Variants in KDM6B observed in about 807,000 individuals in gnomAD.
KDM6B encodes lysine-specific demethylase 6B.
Under a neutral mutation model 150.4 loss-of-function variants are expected in KDM6B, and 22 were observed. The ratio of observed to expected loss-of-function variants is 0.15; its 90% CI spans 0.10 to 0.21. The LOEUF is 0.21. KDM6B is among the 10% of genes least tolerant of loss of function. The pLI is 1.00. For synonymous variants in KDM6B, 1,148 were observed against 921.1 expected (o/e 1.25, Z -4.46); for missense variants, 1,984 against 2,234.3 (o/e 0.89, Z 2.26).
At position 7,846,960 on chromosome 17, in the gene KDM6B, C is replaced by T. The variant is rs200220926; in HGVS notation, c.853C>T (p.Leu285=). 2 of 1,587,026 alleles carry T rather than the reference C, an allele frequency of 1.3e-6. No individual in the cohort carries two copies. The highest frequency in any genetic ancestry group is 1.7e-5 in the Admixed American group (1 of 58,956). Residue 285 remains leucine (L), a synonymous_variant, in exon 10 of 24, where the codon CTG becomes TTG. Coordinates refer to ENST00000448097, the MANE Select transcript of KDM6B (RefSeq NM_001348716.2). ...QLTKPGLWST[L]HGDAWGPERK... Reference sequence around the variant, plus strand: ...AACCAAGCCAGGGCTGTGGAGTACCCTGCATGGAGATGCCTGGGGCCCAGA... The same window carrying T: ...AACCAAGCCAGGGCTGTGGAGTACCTTGCATGGAGATGCCTGGGGCCCAGA...
At chr17:7,846,371 G>A in intron 7 of KDM6B, 29 bp from the exon 8 acceptor site, 3 of 1,488,926 alleles carry the variant, frequency 2.0e-6, no homozygotes, top group South Asian at 1.2e-5. Flanking sequence ...CCTGACATCT[G>A]CCCCTGCCCC....
At chr17:7,839,574 T>C (rs759686898) in intron 1 of KDM6B, among the ~76,000 whole-genome samples, 1 of 152,072 alleles carries the variant, frequency 6.6e-6, no homozygotes, top group Non-Finnish European at 1.5e-5. Context: ...TCAGGCTGGC[T>C]TGTGTACAGA....
chr17:7,835,808 G>GCC (rs537975658), intron 1 of KDM6B, among the ~76,000 whole-genome samples: 2 of 150,944 alleles, frequency 1.3e-5, no homozygotes, highest in South Asian at 2.1e-4. Flanking sequence ...CGAGCCGGGC[G>GCC]CCCCCCTCCC....
intron 7 of KDM6B, 29 bp from the exon 8 acceptor site, chr17:7,846,371 G>GGGGGGGGCCCGGGGGGCCCCCCC: frequency 6.7e-7 from 1 of 1,488,918 alleles, no homozygotes; most frequent in Non-Finnish European, 9.2e-7. Flanking sequence ...CCTGACATCT[G>GGGGGGGGCCCGGGGGGCCCCCCC]CCCCTGCCCC....
rs1291653359 is a variant in KDM6B at position 7,853,199 on chromosome 17, C to T, written c.4738-11C>T. On this transcript the variant is annotated splice_polypyrimidine_tract_variant and intron_variant, in intron 22 of 23. Transcript: ENST00000448097. ...TCCCTCCCCCTGACTGCACTGTCCTCCCTGCCCCAGGTGGAGGTGTTTAAC... is the reference window on the plus strand; with the variant it reads ...TCCCTCCCCCTGACTGCACTGTCCTTCCTGCCCCAGGTGGAGGTGTTTAAC... 1 of 1,613,572 alleles carries T rather than the reference C, an allele frequency of 6.2e-7. No individual in the cohort carries two copies. The highest frequency in any genetic ancestry group is 1.7e-5 in the Admixed American group (1 of 59,978).
At position 7,853,813 on chromosome 17, in the gene KDM6B, C is replaced by T. The variant is rs1391854911; in HGVS notation, c.*292C>T. The T allele has an allele frequency of 8.1e-6, 2 of 247,832 alleles. No individual in the cohort carries two copies. The highest frequency in any genetic ancestry group is 1.5e-5 in the Non-Finnish European group (2 of 130,990). 15.4% of individuals were successfully genotyped at this position (247,832 alleles called of 1,614,324 possible). ...GCCTTTTTAGCAACAGACACAAGGA[C>T]CAGGCTCCGGCGGCGGCGGGGGTCA... On this transcript the variant is annotated 3_prime_UTR_variant, in exon 24 of 24. Coordinates refer to ENST00000448097, the MANE Select transcript of KDM6B (RefSeq NM_001348716.2).
intron 14 of KDM6B, 53 bp from the exon 15 acceptor site, chr17:7,850,961 GGGTCCTC>G: frequency 6.9e-7 from 1 of 1,440,258 alleles, no homozygotes; most frequent in Admixed American, 2.0e-5. Flanking sequence ...AGGGTCGATT[GGGTCCTC>G]GGTCCCTATC....
At chr17:7,838,295 T>G (rs1597817961) in intron 1 of KDM6B, among the ~76,000 whole-genome samples, 1 of 646 alleles carries the variant, frequency 1.5e-3, no homozygotes, top group Non-Finnish European at 2.6e-3. Flanking sequence ...AGCCTGCTGG[T>G]GGGGAGGGAG....
Position 7,845,860 on chromosome 17 carries a change from T to A in KDM6B, c.138-12T>A. ...CTTTTTGCCGTATATAACAGACTCC[T>A]TCTCTCTCCAGATGCTCAGCCAGCA... On this transcript the variant is annotated splice_polypyrimidine_tract_variant and intron_variant, in intron 5 of 23. Coordinates refer to ENST00000448097, the MANE Select transcript of KDM6B (RefSeq NM_001348716.2). 2 of 1,611,790 alleles carry A rather than the reference T, an allele frequency of 1.2e-6. No homozygotes were observed. Among genetic ancestry groups the A allele is most frequent in the Non-Finnish European group, 1.7e-6 (2 of 1,177,932 alleles).
In KDM6B at chr17:7,851,112, G is replaced by A. The variant is rs1348662731; in HGVS notation, c.3765G>A (p.Glu1255=). The change falls in exon 15 of 24, where the codon GAG becomes GAA. Residue 1255 remains glutamate (E), a synonymous_variant. Transcript: ENST00000448097. The part of the protein sequence containing the change: ...VRTQVQQPSD[E]NWDLTGTRQI... Reference sequence around the variant, plus strand: ...CCCAGGTGCAGCAGCCCTCAGATGAGAACTGGGATCTGACAGGCACTCGGC... The same window carrying A: ...CCCAGGTGCAGCAGCCCTCAGATGAAAACTGGGATCTGACAGGCACTCGGC... The A allele has an allele frequency of 6.2e-7, 1 of 1,613,670 alleles. No individual in the cohort carries two copies. The highest frequency in any genetic ancestry group is 2.2e-5 in the East Asian group (1 of 44,884).
chr17:7,842,303 C>G (rs140924945), intron 2 of KDM6B, among the ~76,000 whole-genome samples: 5 of 152,252 alleles, frequency 3.3e-5, no homozygotes, highest in Admixed American at 6.5e-5. Context: ...CGGGAGTGCC[C>G]GGATGGAGAG....
chr17:7,842,250 C>T (rs2078432372), intron 2 of KDM6B, among the ~76,000 whole-genome samples: 1 of 152,136 alleles, frequency 6.6e-6, no homozygotes. Flanking sequence ...GGTTAAAGTC[C>T]CGAGTCCAGG....
At position 7,847,744 on chromosome 17, in the gene KDM6B, T is replaced by A. The variant is rs546676341; in HGVS notation, c.1456T>A (p.Leu486Met). ...LLRPPPPPAW[L>M]KGPACRAARE... ...ACGCCCCCCACCACCCCCTGCCTGGTTGAAGGGTCCGGCCTGCCGGGCAGC... is the reference window on the plus strand; with the variant it reads ...ACGCCCCCCACCACCCCCTGCCTGGATGAAGGGTCCGGCCTGCCGGGCAGC... The change falls in exon 12 of 24, where the codon TTG becomes ATG. Residue 486 changes from leucine to methionine, a missense_variant. Leu to Met is a conservative substitution (Grantham distance 15, BLOSUM62 2). This residue lies in a region of KDM6B where 1,379 missense variants were observed against 1,275.6 expected (regional missense o/e 1.08). Coordinates refer to ENST00000448097, the MANE Select transcript of KDM6B (RefSeq NM_001348716.2). The A allele has an allele frequency of 7.8e-7, 1 of 1,283,140 alleles. No individual in the cohort carries two copies. Among genetic ancestry groups the A allele is most frequent in the Non-Finnish European group, 1.0e-6 (1 of 984,428 alleles). 79.5% of individuals were successfully genotyped at this position (1,283,140 alleles called of 1,614,324 possible).
Position 7,844,996 on chromosome 17 carries a change from G to GAC in KDM6B, c.-173_-172insAC. The GAC allele has an allele frequency of 5.3e-6, 1 of 189,728 alleles. No individual in the cohort carries two copies. Among genetic ancestry groups the GAC allele is most frequent in the Non-Finnish European group, 1.1e-5 (1 of 88,388 alleles). 11.8% of individuals were successfully genotyped at this position (189,728 alleles called of 1,614,324 possible). A position where few individuals can be genotyped will look rare whatever the true frequency, so the allele number is the denominator to read the frequency against. On this transcript the variant is annotated 5_prime_UTR_variant, in exon 3 of 24. Transcript: ENST00000448097. This position sits in a 1 kb window ranked among gnomAD's most constrained non-coding sequence, Gnocchi z 5.9. ...GATCTCTGGAGCTTGCCGACGCGGTGTGAGGACGCTCCCACGGAGGCCGGG... is the reference window on the plus strand; with the variant it reads ...GATCTCTGGAGCTTGCCGACGCGGTGACTGAGGACGCTCCCACGGAGGCCGGG...
Position 7,848,711 on chromosome 17 carries a change from C to T in KDM6B, c.2423C>T (p.Ala808Val), listed in dbSNP as rs149243003. 1.9e-5 allele frequency: 30 copies of T among 1,612,796 alleles called. No individual in the cohort carries two copies. The African/African-American group carries it at 2.5e-4, about 14-fold the overall frequency. ...PSPASLLKSLASVLEGQKYCY... is the reference protein window; with the variant it reads ...PSPASLLKSLVSVLEGQKYCY... Reference sequence around the variant, plus strand: ...CCGGCCAGCCTGCTCAAATCCTTGGCCTCCGTGCTGGAGGGACAAAAGTAC... The same window carrying T: ...CCGGCCAGCCTGCTCAAATCCTTGGTCTCCGTGCTGGAGGGACAAAAGTAC... The change falls in exon 12 of 24, where the codon GCC becomes GTC. Residue 808 changes from alanine to valine, a missense_variant. Physicochemically the swap from Ala to Val is moderately conservative, Grantham distance 64 (BLOSUM62 0). This residue lies in a region of KDM6B where 1,379 missense variants were observed against 1,275.6 expected (regional missense o/e 1.08). Transcript: ENST00000448097.
In KDM6B at chr17:7,847,017, G is replaced by C; in HGVS notation, c.909+1G>C. The C allele has an allele frequency of 6.2e-7, 1 of 1,613,502 alleles. No homozygotes were observed. ...GGGTTCAGCACCCCCAGAGCGCCAG[G>C]TGAGCCCCTGCCTGTTGCCTTTCAC... On this transcript the variant is annotated splice_donor_variant, in intron 10 of 23. Transcript: ENST00000448097. LOFTEE classifies it high-confidence loss of function.
chr17:7,847,413 C>T lies in KDM6B; in HGVS notation c.1218C>T (p.Ser406=), dbSNP rs746860538. ...CCAGCAGCAGCAGTAGCAGCAGCAG[C>T]AACACTGGTCTCCGGGGCGTGGAGC... ...TTTSSSSSSS[S]NTGLRGVEPN... Residue 406 remains serine, a synonymous_variant, in exon 11 of 24, where the codon AGC becomes AGT. Coordinates refer to ENST00000448097, the MANE Select transcript of KDM6B (RefSeq NM_001348716.2). 1.4e-5 allele frequency: 23 copies of T among 1,613,568 alleles called. No individual in the cohort carries two copies. The highest frequency in any genetic ancestry group is 5.0e-5 in the Admixed American group (3 of 59,994).
chr17:7,841,854 C>A (rs1040055542), intron 2 of KDM6B, among the ~76,000 whole-genome samples: 10 of 152,274 alleles, frequency 6.6e-5, no homozygotes, highest in African/African-American at 2.2e-4. Flanking sequence ...GCCCGGGTGG[C>A]TGAGTCACAG....
intron 18 of KDM6B, 40 bp downstream of exon 18, chr17:7,851,836 AGAG>A (rs1193214737): frequency 6.4e-7 from 1 of 1,561,626 alleles, no homozygotes; most frequent in Non-Finnish European, 8.7e-7. Context: ...TGGAAGCGCG[AGAG>A]GAGGGGCTGG....
Sources: allele counts gnomAD v4.1 joint callset (sites outside exome capture counted in the v4.1 genomes callset), GRCh38; gene constraint gnomAD v4.1.1; regional missense constraint gnomAD v4.1.1; non-coding constraint Gnocchi (gnomAD v3.1); transcripts MANE v1.5; gene names NCBI Gene and HGNC (gene_info 2026-07-23, HGNC 2026-07-21).